ADAMTSL1: variants seen among roughly 807,000 people sequenced by gnomAD.
ADAMTSL1 encodes ADAMTS-like protein 1.
ADAMTSL1 carries 126 observed loss-of-function variants against 201.8 expected under a neutral mutation model. The observed-to-expected ratio is 0.62, with a 90% CI of 0.54 to 0.72. The LOEUF is 0.72. Among genes scored for constraint, ADAMTSL1 ranks in the 30% least tolerant of loss-of-function variants. The probability of loss-of-function intolerance (pLI) is 0.00; values close to 1 mark genes in which losing one functional copy is unlikely to be tolerated. For synonymous variants in ADAMTSL1, 1,121 were observed against 903.4 expected, an observed-to-expected ratio of 1.24 and a Z score of -4.32; for missense variants, 2,679 against 2,277.8, an observed-to-expected ratio of 1.18 and a Z score of -3.59.
intron 2 of ADAMTSL1, among the ~76,000 whole-genome samples, chr9:18,235,125 A>G (rs1481253964): frequency 2.0e-5 from 3 of 152,064 alleles, no homozygotes; most frequent in Non-Finnish European, 2.9e-5. Context: ...CACATCCTGG[A>G]TCCAGCATTA....
At chr9:18,289,870 A>G (rs1833181636) in intron 2 of ADAMTSL1, among the ~76,000 whole-genome samples, 1 of 152,234 alleles carries the variant, frequency 6.6e-6, no homozygotes, top group Non-Finnish European at 1.5e-5. Context: ...TTTATAATTC[A>G]AAGGAAAACA....
chr9:18,702,115 A>T (rs1831959031), intron 13 of ADAMTSL1, among the ~76,000 whole-genome samples: 1 of 152,158 alleles, frequency 6.6e-6, no homozygotes. Flanking sequence ...ATCAGATCTC[A>T]TGAGACACAT....
At chr9:17,915,892 C>T (rs1826072768) in intron 1 of ADAMTSL1, among the ~76,000 whole-genome samples, 5 of 151,900 alleles carry the variant, frequency 3.3e-5, no homozygotes, top group Admixed American at 3.3e-4. Flanking sequence ...TGTTAGTTTT[C>T]TTATTGGGCT....
intron 2 of ADAMTSL1, among the ~76,000 whole-genome samples, chr9:18,233,783 G>A (rs1019782485): frequency 3.3e-5 from 5 of 152,174 alleles, no homozygotes; most frequent in Admixed American, 6.5e-5. Flanking sequence ...GCACTTACAC[G>A]CTTTCTTCTA....
At chr9:18,052,797 G>A (rs1821996883) in intron 1 of ADAMTSL1, among the ~76,000 whole-genome samples, 1 of 148,978 alleles carries the variant, frequency 6.7e-6, no homozygotes, top group African/African-American at 2.6e-5. Flanking sequence ...GAGTGGGGGT[G>A]GGGGTGACAT....
chr9:18,525,035 C>T (rs1430464197), intron 2 of ADAMTSL1, among the ~76,000 whole-genome samples: 1 of 152,178 alleles, frequency 6.6e-6, no homozygotes, highest in East Asian at 1.9e-4. Context: ...CCTCCTTGTA[C>T]ATCCAGTAGA....
intron 10 of ADAMTSL1, among the ~76,000 whole-genome samples, chr9:18,676,308 A>G (rs981464980): frequency 1.3e-5 from 2 of 152,024 alleles, no homozygotes; most frequent in African/African-American, 4.8e-5. Flanking sequence ...TTGCACTACC[A>G]CTAACATGGA....
At chr9:18,051,296 A>G (rs781651720) in intron 1 of ADAMTSL1, among the ~76,000 whole-genome samples, 17 of 152,074 alleles carry the variant, frequency 1.1e-4, no homozygotes, top group Admixed American at 2.6e-4. Flanking sequence ...GCAAGACTCC[A>G]TCTCAAAAAA....
At chr9:18,163,786 TC>T (rs997165432) in intron 1 of ADAMTSL1, 2 of 150,932 alleles carry the variant, frequency 1.3e-5, no homozygotes, top group Admixed American at 6.6e-5. Flanking sequence ...CCAAGAGCTT[TC>T]TGCAACTAAT....
intron 4 of ADAMTSL1, among the ~76,000 whole-genome samples, chr9:18,607,395 C>A (rs1825091190): frequency 6.6e-6 from 1 of 152,174 alleles, no homozygotes. Context: ...ATTTGATAGA[C>A]CCACTTTGTA....
intron 9 of ADAMTSL1, among the ~76,000 whole-genome samples, chr9:18,672,757 A>G (rs566217356): frequency 1.6e-4 from 25 of 152,208 alleles, no homozygotes; most frequent in African/African-American, 5.8e-4. Context: ...TAAACTTGTC[A>G]TAACACTGAA....
chr9:18,684,974 A>T (rs2093592005), intron 13 of ADAMTSL1, 174 bp downstream of exon 13: 1 of 1,383,802 alleles, frequency 7.2e-7, no homozygotes, highest in Non-Finnish European at 9.3e-7. Context: ...GTCAAAGCTG[A>T]TGATTGCATT....
intron 9 of ADAMTSL1, among the ~76,000 whole-genome samples, chr9:18,673,139 T>C (rs1401989264): frequency 2.6e-5 from 4 of 152,174 alleles, no homozygotes; most frequent in African/African-American, 9.7e-5. Flanking sequence ...TGCATACATG[T>C]ACACACACCC....
intron 2 of ADAMTSL1, among the ~76,000 whole-genome samples, chr9:18,351,099 C>A (rs1354623012): frequency 1.3e-5 from 2 of 151,992 alleles, no homozygotes; most frequent in East Asian, 3.9e-4. Flanking sequence ...AAATAATAAT[C>A]TGCCTGCCTA....
chr9:18,229,645 T>C (rs990638946), intron 2 of ADAMTSL1, among the ~76,000 whole-genome samples: 3 of 151,796 alleles, frequency 2.0e-5, no homozygotes, highest in Non-Finnish European at 4.4e-5. Context: ...CTTCCAATCA[T>C]AAAGTTCCAT....
At chr9:18,398,895 T>A (rs971782439) in intron 2 of ADAMTSL1, among the ~76,000 whole-genome samples, 4 of 152,132 alleles carry the variant, frequency 2.6e-5, no homozygotes, top group African/African-American at 9.7e-5. Context: ...GTGTTAGATG[T>A]CAAAGAGTGA....
At chr9:18,188,630 T>C (rs1452380985) in intron 2 of ADAMTSL1, among the ~76,000 whole-genome samples, 1 of 152,160 alleles carries the variant, frequency 6.6e-6, no homozygotes, top group Non-Finnish European at 1.5e-5. Context: ...GGTGGTGAGT[T>C]CTTTATTGAC....
intron 14 of ADAMTSL1, chr9:18,717,915 T>TATTG (rs1342527486): frequency 8.7e-7 from 1 of 1,143,986 alleles, no homozygotes. Flanking sequence ...GTGTTGGCAC[T>TATTG]ATTGAATTGG....
At chr9:18,632,334 T>A (rs992052787) in intron 5 of ADAMTSL1, among the ~76,000 whole-genome samples, 2 of 152,230 alleles carry the variant, frequency 1.3e-5, no homozygotes, top group East Asian at 3.8e-4. Context: ...TTTTCCCTAT[T>A]TTGTTTTTTG....
Sources: allele counts gnomAD v4.1 joint callset (sites outside exome capture counted in the v4.1 genomes callset), GRCh38; gene constraint gnomAD v4.1.1; transcripts MANE v1.5; gene names NCBI Gene and HGNC (gene_info 2026-07-23, HGNC 2026-07-21).